CACNA2D1: variants seen among roughly 807,000 people sequenced by gnomAD.
CACNA2D1 encodes the protein voltage-dependent calcium channel subunit alpha-2/delta-1.
CACNA2D1 carries 53 observed loss-of-function variants against 171.5 expected under a neutral mutation model. The ratio of observed to expected loss-of-function variants is 0.31; its 90% CI spans 0.25 to 0.39. CACNA2D1 has a LOEUF of 0.39. CACNA2D1 is among the 10% of genes least tolerant of loss of function. CACNA2D1 has a pLI of 1.00. For missense variants in CACNA2D1, 903 were observed against 1,299.8 expected (o/e 0.69, Z 4.69); for synonymous variants, 442 against 443.1 (o/e 1.00, Z 0.03).
chr7:82,435,754 TA>T (rs1319218011), intron 1 of CACNA2D1, among the ~76,000 whole-genome samples: 1 of 152,162 alleles, frequency 6.6e-6, no homozygotes, highest in African/African-American at 2.4e-5. Context: ...TTTTTTTTTT[TA>T]ATTTAAAAAT....
chr7:82,292,001 GCA>G (rs148233897), intron 3 of CACNA2D1, among the ~76,000 whole-genome samples: 9 of 148,020 alleles, frequency 6.1e-5, no homozygotes, highest in East Asian at 2.0e-4. Context: ...ACACATGCAC[GCA>G]CACACACACA....
intron 3 of CACNA2D1, among the ~76,000 whole-genome samples, chr7:82,211,700 T>A (rs1800573474): frequency 6.6e-6 from 1 of 152,300 alleles, no homozygotes; most frequent in Non-Finnish European, 1.5e-5. Context: ...GCCAGAATGA[T>A]TTATTTTCCT....
intron 1 of CACNA2D1, among the ~76,000 whole-genome samples, chr7:82,389,241 T>G (rs939892878): frequency 1.3e-5 from 2 of 150,316 alleles, no homozygotes; most frequent in South Asian, 4.2e-4. Flanking sequence ...GGATGGGAGT[T>G]TTTTTTAGTC....
intron 3 of CACNA2D1, among the ~76,000 whole-genome samples, chr7:82,239,284 T>A (rs548381674): frequency 6.6e-6 from 1 of 151,634 alleles, no homozygotes; most frequent in Admixed American, 6.6e-5. Context: ...ATGGAACCAA[T>A]ACGATAAATT....
At chr7:82,425,986 C>T (rs998634694) in intron 1 of CACNA2D1, among the ~76,000 whole-genome samples, 7 of 150,780 alleles carry the variant, frequency 4.6e-5, no homozygotes, top group African/African-American at 1.7e-4. Flanking sequence ...AAAAATTAGC[C>T]GAGCATGGTG....
chr7:82,429,266 A>C (rs1829467156), intron 1 of CACNA2D1, among the ~76,000 whole-genome samples: 1 of 152,146 alleles, frequency 6.6e-6, no homozygotes, highest in Non-Finnish European at 1.5e-5. Flanking sequence ...TATAATATAT[A>C]TTTGATGTTT....
At chr7:81,964,129 G>A (rs1225784912) in intron 33 of CACNA2D1, 21 bp from the exon 34 acceptor site, 1 of 1,611,422 alleles carries the variant, frequency 6.2e-7, no homozygotes. Flanking sequence ...AAATAATAAG[G>A]TCATTTCAGT....
At chr7:82,104,311 CAAAAT>C (rs1813056624) in intron 6 of CACNA2D1, among the ~76,000 whole-genome samples, 1 of 151,934 alleles carries the variant, frequency 6.6e-6, no homozygotes, top group Non-Finnish European at 1.5e-5. Context: ...ACAGACTAAA[CAAAAT>C]GATTTATACT....
chr7:82,087,805 A>G (rs1332085918), intron 6 of CACNA2D1, among the ~76,000 whole-genome samples: 2 of 152,150 alleles, frequency 1.3e-5, no homozygotes, highest in Non-Finnish European at 2.9e-5. Context: ...CTCCATTTTT[A>G]TGCTATTAGC....
intron 3 of CACNA2D1, among the ~76,000 whole-genome samples, chr7:82,275,710 T>C (rs1447318290): frequency 1.3e-5 from 2 of 151,992 alleles, no homozygotes; most frequent in Non-Finnish European, 2.9e-5. Flanking sequence ...AGGCAAAGAG[T>C]AGCAGCGCTC....
chr7:81,992,059 G>T lies in CACNA2D1; in HGVS notation c.1735-813C>A, dbSNP rs191250540. On this transcript the variant is annotated intron_variant, in intron 20 of 38. Transcript: ENST00000356860. ...GGGGTTTCACTGTGTTAGCCAGGAC[G>T]GTCTCGATCTCCTGACCTCGTGATC... Among the ~76,000 whole-genome samples, 1,412 of 150,600 alleles carry T rather than the reference G, an allele frequency of 9.4e-3. 21 individuals carry two copies. The highest frequency in any genetic ancestry group is 0.033 in the African/African-American group (1,343 of 40,940).
intron 3 of CACNA2D1, among the ~76,000 whole-genome samples, chr7:82,174,465 A>G (rs1300856836): frequency 1.3e-5 from 2 of 152,112 alleles, no homozygotes; most frequent in Admixed American, 6.6e-5. Flanking sequence ...CTACCTACTT[A>G]TTGGTTTGAA....
chr7:82,245,360 G>T (rs1416374131), intron 3 of CACNA2D1, among the ~76,000 whole-genome samples: 1 of 152,102 alleles, frequency 6.6e-6, no homozygotes, highest in African/African-American at 2.4e-5. Context: ...CTTTGGTCTT[G>T]AATACATCCC....
chr7:82,086,266 T>C (rs1810478347), intron 6 of CACNA2D1, among the ~76,000 whole-genome samples: 4 of 151,208 alleles, frequency 2.6e-5, no homozygotes, highest in Admixed American at 2.0e-4. Flanking sequence ...GTGTTTATAT[T>C]TTAAAGTTGT....
intron 3 of CACNA2D1, among the ~76,000 whole-genome samples, chr7:82,330,830 T>C (rs1401201340): frequency 6.6e-6 from 1 of 152,148 alleles, no homozygotes; most frequent in East Asian, 1.9e-4. Context: ...GATGTATTTA[T>C]GTAATAAGTA....
chr7:82,311,999 G>A lies in CACNA2D1; in HGVS notation c.294+23136C>T, dbSNP rs115296089. ...GAAAGAAATTTACTCAATTCAGACT[G>A]GTATTATAGACACAGTCTTTGGCTT... On this transcript the variant is annotated intron_variant, in intron 3 of 38. Coordinates refer to ENST00000356860, the MANE Select transcript of CACNA2D1 (RefSeq NM_000722.4). Among the ~76,000 whole-genome samples, 1,169 of 152,102 alleles carry A rather than the reference G, an allele frequency of 7.7e-3. 18 individuals carry two copies. The highest frequency in any genetic ancestry group is 0.026 in the African/African-American group (1,061 of 41,498).
At chr7:82,168,559 T>C (rs914546924) in intron 4 of CACNA2D1, among the ~76,000 whole-genome samples, 4 of 152,138 alleles carry the variant, frequency 2.6e-5, no homozygotes. Context: ...AGTTTTTGTA[T>C]TGTGTTTGTG....
intron 3 of CACNA2D1, among the ~76,000 whole-genome samples, chr7:82,269,106 A>G (rs1391212751): frequency 6.6e-6 from 1 of 152,168 alleles, no homozygotes; most frequent in South Asian, 2.1e-4. Flanking sequence ...AGACCTACAC[A>G]TAGTCCCTCT....
At chr7:82,230,240 C>T (rs868749542) in intron 3 of CACNA2D1, among the ~76,000 whole-genome samples, 1 of 152,170 alleles carries the variant, frequency 6.6e-6, no homozygotes, top group Non-Finnish European at 1.5e-5. Context: ...AGTAGATTGG[C>T]CTGCTTTATA....
Sources: gnomAD v4.1 joint callset for allele counts (sites outside exome capture counted in the v4.1 genomes callset) on GRCh38, gnomAD v4.1.1 for gene constraint, MANE v1.5 for transcripts, NCBI Gene and HGNC (gene_info 2026-07-23, HGNC 2026-07-21) for gene names.